Variants in MPRIP observed in about 807,000 individuals in gnomAD.
MPRIP encodes the protein myosin phosphatase Rho-interacting protein.
In MPRIP, 59 loss-of-function variants were observed where a neutral mutation model predicts 234.9. The ratio of observed to expected loss-of-function variants is 0.25; its 90% CI spans 0.20 to 0.31. MPRIP has a LOEUF of 0.31. Among genes scored for constraint, MPRIP ranks in the 10% least tolerant of loss-of-function variants. MPRIP has a pLI of 1.00. For synonymous variants in MPRIP, 1,144 were observed against 1,263.9 expected (o/e 0.91, Z 2.01); for missense variants, 2,436 against 3,071.0 (o/e 0.79, Z 4.89).
chr17:17,064,201 G>GTTTTTT (rs752475475), intron 1 of MPRIP, among the ~76,000 whole-genome samples: 1 of 144,126 alleles, frequency 6.9e-6, no homozygotes, highest in African/African-American at 2.7e-5. Context: ...GGTTTTTTTT[G>GTTTTTT]TTTTGTTTTT....
intron 13 of MPRIP, among the ~76,000 whole-genome samples, chr17:17,155,089 C>T (rs2045697546): frequency 6.6e-6 from 1 of 152,164 alleles, no homozygotes; most frequent in Non-Finnish European, 1.5e-5. Flanking sequence ...CTCTGCTGTC[C>T]CCACCTTCAG....
chr17:17,128,055 G>GT (rs1407326924), intron 4 of MPRIP, among the ~76,000 whole-genome samples: 1 of 152,222 alleles, frequency 6.6e-6, no homozygotes, highest in Non-Finnish European at 1.5e-5. Context: ...GATCAAGAAT[G>GT]TCAAGGGCCT....
intron 3 of MPRIP, among the ~76,000 whole-genome samples, chr17:17,082,794 C>T (rs2089495315): frequency 6.6e-6 from 1 of 152,214 alleles, no homozygotes; most frequent in South Asian, 2.1e-4. Context: ...CCCCTGGAAA[C>T]CCCCATGCTA....
At position 17,187,283 on chromosome 17, in the gene MPRIP, G is replaced by A. The variant is rs1259270016; in HGVS notation, c.*2389G>A. 6.6e-6 allele frequency: 1 copy of A among 151,154 alleles called. No homozygotes were observed. The highest frequency in any genetic ancestry group is 2.0e-4 in the East Asian group (1 of 5,086). 9.4% of individuals were successfully genotyped at this position (151,154 alleles called of 1,614,324 possible). On this transcript the variant is annotated 3_prime_UTR_variant, in exon 24 of 24. Transcript: ENST00000651222. ...TTAATATGAGTGCAGCATGTGAGGG[G>A]TCAGAGACAGGCCAGCAGGGCGTCT...
rs80094875 is a variant in MPRIP, at chr17:17,167,870, G to A, written c.6279G>A (p.Ala2093=). Residue 2093 remains alanine, a synonymous_variant, in exon 16 of 24, where the codon GCG becomes GCA. Coordinates refer to ENST00000651222, the MANE Select transcript of MPRIP (RefSeq NM_001364716.4). This position sits in a 1 kb window ranked among gnomAD's most constrained non-coding sequence, Gnocchi z 5.9. ...ELGHKDLEGD[A]ATLREKYQRD... ...GACACAAGGACCTGGAGGGCGACGCGGCCACACTGCGTGAGAAGTACCAGA... is the reference window on the plus strand; with the variant it reads ...GACACAAGGACCTGGAGGGCGACGCAGCCACACTGCGTGAGAAGTACCAGA... The A allele has an allele frequency of 1.9e-5, 25 of 1,303,988 alleles. No individual in the cohort carries two copies. In the African/African-American group the frequency reaches 2.6e-4, roughly 13 times the overall value. The allele number at this position is 1,303,988 out of a possible 1,614,324, so 80.8% of individuals were successfully genotyped here. A position where few individuals can be genotyped will look rare whatever the true frequency, so the allele number is the denominator to read the frequency against.
rs538188068 is a variant in MPRIP at position 17,157,621 on chromosome 17, G to C, written c.1830-811G>C. ...AGGCAGGCGGATCACCTGAGGTCAG[G>C]AGTTTGAGACCAGCCTGGCCAACAT... On this transcript the variant is annotated intron_variant, in intron 13 of 23. Coordinates refer to ENST00000651222, the MANE Select transcript of MPRIP (RefSeq NM_001364716.4). Among the ~76,000 whole-genome samples the C allele has an allele frequency of 5.9e-5, 9 of 152,294 alleles. No individual in the cohort carries two copies. In the East Asian group the frequency reaches 1.4e-3, roughly 23 times the overall value.
intron 1 of MPRIP, among the ~76,000 whole-genome samples, chr17:17,059,811 T>G (rs1036078679): frequency 6.6e-6 from 1 of 152,160 alleles, no homozygotes; most frequent in Non-Finnish European, 1.5e-5. Flanking sequence ...AGTGGCCCAG[T>G]TGGGAGGTGA....
At chr17:17,060,715 G>C (rs1475297472) in intron 1 of MPRIP, among the ~76,000 whole-genome samples, 2 of 152,202 alleles carry the variant, frequency 1.3e-5, no homozygotes, top group Non-Finnish European at 2.9e-5. Flanking sequence ...TCCCTCGGAG[G>C]CTTGGCTTCC....
chr17:17,135,984 T>G (rs908813622), intron 5 of MPRIP, among the ~76,000 whole-genome samples: 1 of 152,186 alleles, frequency 6.6e-6, no homozygotes, highest in African/African-American at 2.4e-5. Context: ...GAGGGTGTGT[T>G]CTCTTTCCTT....
chr17:17,184,017 T>G (rs868098468), intron 23 of MPRIP, among the ~76,000 whole-genome samples: 13 of 152,248 alleles, frequency 8.5e-5, no homozygotes, highest in African/African-American at 3.1e-4. Context: ...CACAGCACTT[T>G]CCAGTCAGTA....
chr17:17,147,400 G>T lies in MPRIP; in HGVS notation c.1629+13G>T. 1 of 1,613,874 alleles carries T rather than the reference G, an allele frequency of 6.2e-7. No homozygotes were observed. Among genetic ancestry groups the T allele is most frequent in the Non-Finnish European group, 8.5e-7 (1 of 1,179,734 alleles). On this transcript the variant is annotated intron_variant, in intron 11 of 23. Coordinates refer to ENST00000651222, the MANE Select transcript of MPRIP (RefSeq NM_001364716.4). ...AGTGGCTGAGGAGGTGAGTGTCTGG[G>T]CTTTGCCTCTGCTGTGGAGACAGCT...
At chr17:17,064,219 T>TTTTA (rs2088954196) in intron 1 of MPRIP, among the ~76,000 whole-genome samples, 1 of 150,788 alleles carries the variant, frequency 6.6e-6, no homozygotes, top group African/African-American at 2.4e-5. Flanking sequence ...TTTTTTTTTT[T>TTTTA]GAGATGGAGT....
At position 17,174,580 on chromosome 17, in the gene MPRIP, T is replaced by TA. The variant is rs145025205; in HGVS notation, c.6750+507dup. 2.8e-3 allele frequency among the ~76,000 whole-genome samples: 426 copies of TA among 152,342 alleles called. 3 individuals are homozygous for TA. The highest frequency in any genetic ancestry group is 0.014 in the Middle Eastern group (4 of 294). On this transcript the variant is annotated intron_variant, in intron 19 of 23. Coordinates refer to ENST00000651222, the MANE Select transcript of MPRIP (RefSeq NM_001364716.4). ...GTCCGGGCGCGGTGGCTCACGCCTG[T>TA]AATCCCAGCGCTTTGGGAGGCCAAG...
intron 1 of MPRIP, among the ~76,000 whole-genome samples, chr17:17,055,007 G>A (rs945166173): frequency 9.3e-5 from 14 of 151,022 alleles, no homozygotes; most frequent in African/African-American, 3.4e-4. Context: ...CTGAGATCAC[G>A]CCACTGCACT....
chr17:17,145,506 T>C (rs1397711306), intron 9 of MPRIP, among the ~76,000 whole-genome samples: 1 of 152,200 alleles, frequency 6.6e-6, no homozygotes, highest in African/African-American at 2.4e-5. Context: ...CTGCTTCTTG[T>C]GGGGGAATAC....
intron 2 of MPRIP, among the ~76,000 whole-genome samples, chr17:17,076,572 T>C (rs1050219964): frequency 5.9e-5 from 9 of 152,176 alleles, no homozygotes; most frequent in African/African-American, 2.2e-4. Context: ...AGAATGGGTT[T>C]TGATTTCAGA....
rs533119051 is a variant in MPRIP at position 17,175,358 on chromosome 17, T to C, written c.6816T>C (p.Gly2272=). ...RLRTLLTGDG[G]GEATGSPLAQ... is the part of the protein sequence containing the mutation. ...GGACGCTGCTGACTGGGGACGGCGG[T>C]GGGGAGGCCACTGGGTCACCCCTTG... Residue 2272 remains glycine (G), a synonymous_variant, in exon 20 of 24, where the codon GGT becomes GGC. Coordinates refer to ENST00000651222, the MANE Select transcript of MPRIP (RefSeq NM_001364716.4). 1 of 1,613,210 alleles carries C rather than the reference T, an allele frequency of 6.2e-7. No homozygotes were observed. Among genetic ancestry groups the C allele is most frequent in the South Asian group, 1.1e-5 (1 of 91,074 alleles).
intron 3 of MPRIP, among the ~76,000 whole-genome samples, chr17:17,123,483 T>C (rs1054278421): frequency 7.2e-5 from 11 of 152,172 alleles, no homozygotes; most frequent in African/African-American, 2.6e-4. Context: ...GCCAACATGG[T>C]GAAACCCCGT....
Position 17,158,916 on chromosome 17 carries a change from G to T in MPRIP, c.2314G>T (p.Val772Leu). Residue 772 changes from valine (V) to leucine (L), a missense_variant, in exon 14 of 24, where the codon GTG (valine) becomes TTG (leucine). This residue lies in a region of MPRIP where 1,998 missense variants were observed against 2,520.3 expected (regional missense o/e 0.79). Coordinates refer to ENST00000651222, the MANE Select transcript of MPRIP (RefSeq NM_001364716.4). The stretch of plus-strand genomic sequence containing the variant: ...CACACCTCTCCGGGAAGAGAAGCAG[G>T]TGCCCATCGCCCCCGTCCACCTGTC... ...ETTPLREEKQ[V>L]PIAPVHLSSE... is the part of the protein sequence containing the mutation. 1 of 1,612,660 alleles carries T rather than the reference G, an allele frequency of 6.2e-7. No individual in the cohort carries two copies. Among genetic ancestry groups the T allele is most frequent in the East Asian group, 2.2e-5 (1 of 44,884 alleles).
Sources: gnomAD v4.1 joint callset for allele counts (sites outside exome capture counted in the v4.1 genomes callset) on GRCh38, gnomAD v4.1.1 for gene constraint, gnomAD v4.1.1 regional missense constraint, Gnocchi (gnomAD v3.1) non-coding constraint, MANE v1.5 for transcripts, NCBI Gene and HGNC (gene_info 2026-07-23, HGNC 2026-07-21) for gene names.